FAF1: variants seen among roughly 807,000 people sequenced by gnomAD.
The protein encoded by FAF1 is FAS-associated factor 1.
A neutral mutation model predicts 92.5 loss-of-function variants in FAF1; 25 were observed. That is an observed-to-expected ratio of 0.27 (90% confidence interval 0.20 to 0.38). The LOEUF (loss-of-function observed/expected upper bound fraction) is 0.38, where lower values mean the gene tolerates loss of function less well. Among genes scored for constraint, FAF1 ranks in the 10% least tolerant of loss-of-function variants. FAF1 has a pLI of 1.00. For missense variants in FAF1, 636 were observed against 793.3 expected (o/e 0.80, Z 2.38); for synonymous variants, 234 against 273.2 (o/e 0.86, Z 1.42).
intron 7 of FAF1, among the ~76,000 whole-genome samples, chr1:50,692,255 G>C (rs1475471439): frequency 6.9e-6 from 1 of 145,244 alleles, no homozygotes; most frequent in African/African-American, 2.5e-5. Context: ...GTGTGTGTGT[G>C]TGTGTGTGTG....
chr1:50,893,430 C>G (rs182020175), intron 1 of FAF1, among the ~76,000 whole-genome samples: 1 of 152,310 alleles, frequency 6.6e-6, no homozygotes, highest in East Asian at 1.9e-4. Flanking sequence ...CTCTTACAGA[C>G]TTCTAGAGGT....
chr1:50,456,710 T>C (rs2148984473), intron 18 of FAF1, among the ~76,000 whole-genome samples: 1 of 152,340 alleles, frequency 6.6e-6, no homozygotes, highest in South Asian at 2.1e-4. Context: ...AACAAGACAC[T>C]ATTTCTGCTC....
intron 8 of FAF1, among the ~76,000 whole-genome samples, chr1:50,639,368 T>C (rs879548963): frequency 1.3e-5 from 2 of 152,244 alleles, no homozygotes; most frequent in African/African-American, 2.4e-5. Flanking sequence ...CTGCCGCTGT[T>C]TTCCAGAGTG....
chr1:50,804,783 CA>C (rs550621710), intron 2 of FAF1, among the ~76,000 whole-genome samples: 1 of 151,672 alleles, frequency 6.6e-6, no homozygotes, highest in African/African-American at 2.4e-5. Flanking sequence ...GAAAGAGAGA[CA>C]AAAAAAGCCA....
intron 1 of FAF1, among the ~76,000 whole-genome samples, chr1:50,926,395 A>C (rs968722641): frequency 6.6e-6 from 1 of 152,226 alleles, no homozygotes; most frequent in Non-Finnish European, 1.5e-5. Flanking sequence ...ATGGAATTAG[A>C]GTATACAACT....
intron 2 of FAF1, among the ~76,000 whole-genome samples, chr1:50,814,385 G>T (rs1192704510): frequency 6.6e-6 from 1 of 152,026 alleles, no homozygotes; most frequent in Non-Finnish European, 1.5e-5. Flanking sequence ...CAAACCAGAT[G>T]CCCAACTACA....
chr1:50,826,656 TA>T (rs1644101057), intron 2 of FAF1, among the ~76,000 whole-genome samples: 2 of 151,364 alleles, frequency 1.3e-5, no homozygotes, highest in Non-Finnish European at 1.5e-5. Flanking sequence ...GTATTAGAAA[TA>T]AAAGAGGAAA....
intron 15 of FAF1, among the ~76,000 whole-genome samples, chr1:50,513,803 G>A (rs890506025): frequency 2.0e-5 from 3 of 152,166 alleles, no homozygotes; most frequent in African/African-American, 4.8e-5. Flanking sequence ...ATTCAGAGAT[G>A]AGGAAACTGA....
chr1:50,729,891 C>T (rs1400060460), intron 6 of FAF1, among the ~76,000 whole-genome samples: 4 of 151,918 alleles, frequency 2.6e-5, no homozygotes, highest in African/African-American at 7.2e-5. Context: ...CGTGGTGGCA[C>T]GTGCCTGTAG....
chr1:50,953,808 A>T (rs1337224570), intron 1 of FAF1, among the ~76,000 whole-genome samples: 3 of 152,228 alleles, frequency 2.0e-5, no homozygotes, highest in Non-Finnish European at 2.9e-5. Flanking sequence ...TACTAGCTGA[A>T]AAGACTAGGG....
At chr1:50,885,324 A>ACACACACACACACACACACACTCT (rs1644651416) in intron 1 of FAF1, among the ~76,000 whole-genome samples, 25 of 102,272 alleles carry the variant, frequency 2.4e-4, no homozygotes, top group African/African-American at 8.8e-4. Context: ...ACACACACAC[A>ACACACACACACACACACACACTCT]CTCTCTCTCT....
intron 7 of FAF1, among the ~76,000 whole-genome samples, chr1:50,694,792 C>CAAAAAAAAAAA (rs371721063): frequency 1.4e-4 from 8 of 55,650 alleles, no homozygotes; most frequent in Admixed American, 2.2e-4. Flanking sequence ...CTAAAAAATA[C>CAAAAAAAAAAA]AAAAAAAAAA....
intron 1 of FAF1, among the ~76,000 whole-genome samples, chr1:50,950,739 G>C (rs1645207801): frequency 6.6e-6 from 1 of 152,178 alleles, no homozygotes; most frequent in Non-Finnish European, 1.5e-5. Context: ...GGTAAACAAG[G>C]AATAGACAAA....
At chr1:50,859,481 C>T (rs1644415514) in intron 1 of FAF1, among the ~76,000 whole-genome samples, 1 of 151,754 alleles carries the variant, frequency 6.6e-6, no homozygotes, top group African/African-American at 2.4e-5. Flanking sequence ...AGCTGAAAGC[C>T]AAATCAAGAA....
At chr1:50,951,922 T>A (rs1473801481) in intron 1 of FAF1, among the ~76,000 whole-genome samples, 1 of 152,182 alleles carries the variant, frequency 6.6e-6, no homozygotes, top group African/African-American at 2.4e-5. Flanking sequence ...GATTCACAAC[T>A]CCATTTAGAA....
At chr1:50,672,565 G>T (rs930331848) in intron 7 of FAF1, among the ~76,000 whole-genome samples, 1 of 152,142 alleles carries the variant, frequency 6.6e-6, no homozygotes, top group Admixed American at 6.6e-5. Flanking sequence ...TTATAGGCGT[G>T]AGCCACGGCG....
chr1:50,555,209 C>T (rs558007850), intron 13 of FAF1, among the ~76,000 whole-genome samples: 7 of 150,728 alleles, frequency 4.6e-5, no homozygotes, highest in African/African-American at 1.5e-4. Flanking sequence ...GGTGACAGAG[C>T]GAGACACACA....
intron 4 of FAF1, among the ~76,000 whole-genome samples, chr1:50,756,772 AAG>A (rs1201657072): frequency 2.6e-5 from 4 of 152,312 alleles, no homozygotes; most frequent in African/African-American, 9.6e-5. Context: ...GCAGCAGGCA[AAG>A]AGAGAGAGCT....
intron 7 of FAF1, among the ~76,000 whole-genome samples, chr1:50,674,860 C>CTATTTTATTT (rs60719405): frequency 0.048 from 6,863 of 143,754 alleles, 215 homozygotes; most frequent in South Asian, 0.14. Flanking sequence ...TCACCTTGTA[C>CTATTTTATTT]TATTTTATTT....
Sources: allele counts gnomAD v4.1 joint callset (sites outside exome capture counted in the v4.1 genomes callset), GRCh38; gene constraint gnomAD v4.1.1; transcripts MANE v1.5; gene names NCBI Gene and HGNC (gene_info 2026-07-23, HGNC 2026-07-21).